The following ROBO1 variants were observed in gnomAD, a reference collection of about 807,000 sequenced individuals.
ROBO1 encodes the protein roundabout homolog 1.
A neutral mutation model predicts 195.9 loss-of-function variants in ROBO1; 149 were observed. The observed-to-expected ratio is 0.76, with a 90% CI of 0.67 to 0.87. The LOEUF (loss-of-function observed/expected upper bound fraction) is 0.87, where lower values mean the gene tolerates loss of function less well. Ranked by LOEUF, ROBO1 falls within the 40% of genes least tolerant of loss-of-function variation. The pLI is 0.00. For synonymous variants in ROBO1, 816 were observed against 733.2 expected (o/e 1.11, Z -1.82); for missense variants, 1,933 against 2,068.3 (o/e 0.93, Z 1.27).
rs186589669 is a variant in ROBO1 at position 79,128,143 on chromosome 3, T to C, written c.89-2604A>G. On this transcript the variant is annotated intron_variant, in intron 2 of 30. Coordinates refer to ENST00000464233, the MANE Select transcript of ROBO1 (RefSeq NM_002941.4). ...TAAATAGCATTGATTATGCGAGCTATGGACTAGAAGATAGCAAGGAAGAGA... is the reference window on the plus strand; with the variant it reads ...TAAATAGCATTGATTATGCGAGCTACGGACTAGAAGATAGCAAGGAAGAGA... 5.9e-5 allele frequency among the ~76,000 whole-genome samples: 9 copies of C among 152,290 alleles called. No homozygotes were observed. The East Asian group carries it at 1.2e-3, about 20-fold the overall frequency.
intron 2 of ROBO1, among the ~76,000 whole-genome samples, chr3:79,424,923 G>GCTC (rs2038385027): frequency 6.6e-6 from 1 of 152,134 alleles, no homozygotes; most frequent in African/African-American, 2.4e-5. Flanking sequence ...GTAGGAGAAT[G>GCTC]AAGTCATGCT....
chr3:78,855,192 C>T (rs968580139), intron 4 of ROBO1, among the ~76,000 whole-genome samples: 4 of 151,976 alleles, frequency 2.6e-5, no homozygotes, highest in Non-Finnish European at 5.9e-5. Flanking sequence ...TGATCACTTA[C>T]GCTGATTTCA....
At chr3:79,255,640 A>G (rs1367946967) in intron 2 of ROBO1, among the ~76,000 whole-genome samples, 1 of 152,202 alleles carries the variant, frequency 6.6e-6, no homozygotes, top group Admixed American at 6.5e-5. Flanking sequence ...AAAACACACT[A>G]CCGTTCTGGA....
chr3:79,624,506 T>A, intron 1 of ROBO1, among the ~76,000 whole-genome samples: 1 of 150,392 alleles, frequency 6.6e-6, no homozygotes, highest in African/African-American at 2.4e-5. Context: ...TAGAGAAAAA[T>A]TTACTAAGCA....
In ROBO1 at chr3:79,321,735, T is replaced by G. The variant is rs190146592; in HGVS notation, c.89-196196A>C. The stretch of plus-strand genomic sequence containing the variant: ...TCTACAAGTAGGACTGATTCCTTTT[T>G]CACAGGCAGATCAAAACAGAGAAAG... On this transcript the variant is annotated intron_variant, in intron 2 of 30. Coordinates refer to ENST00000464233, the MANE Select transcript of ROBO1 (RefSeq NM_002941.4). Among the ~76,000 whole-genome samples the G allele has an allele frequency of 4.7e-3, 713 of 152,306 alleles. 11 individuals carry two copies. The highest frequency in any genetic ancestry group is 0.016 in the African/African-American group (677 of 41,566).
At chr3:79,549,229 A>G (rs1017912853) in intron 2 of ROBO1, among the ~76,000 whole-genome samples, 4 of 152,234 alleles carry the variant, frequency 2.6e-5, no homozygotes, top group Non-Finnish European at 5.9e-5. Context: ...CAGATAGAAA[A>G]ACAATGGGAA....
intron 3 of ROBO1, among the ~76,000 whole-genome samples, chr3:79,083,861 A>C (rs2079319062): frequency 6.6e-6 from 1 of 152,192 alleles, no homozygotes; most frequent in Non-Finnish European, 1.5e-5. Context: ...ATTTTCATGA[A>C]GGGAATTTCA....
At chr3:79,754,986 T>C (rs1003432950) in intron 1 of ROBO1, among the ~76,000 whole-genome samples, 7 of 152,164 alleles carry the variant, frequency 4.6e-5, no homozygotes, top group Non-Finnish European at 1.5e-5. Context: ...GTTCAATCTA[T>C]TCTCCTGCCT....
chr3:79,424,238 C>T (rs2106958619), intron 2 of ROBO1, among the ~76,000 whole-genome samples: 1 of 152,192 alleles, frequency 6.6e-6, no homozygotes, highest in Non-Finnish European at 1.5e-5. Context: ...CTGAGGCACT[C>T]AGCTCTGATC....
At position 79,623,177 on chromosome 3, in the gene ROBO1, T is replaced by C. The variant is rs114115174; in HGVS notation, c.-50-33216A>G. ...AACAACAACAACAAAACCTTCACAA[T>C]AACTCCATCCAAGTGTCAGCAGCCT... On this transcript the variant is annotated intron_variant, in intron 1 of 30. Transcript: ENST00000464233. Among the ~76,000 whole-genome samples, 822 of 152,026 alleles carry C rather than the reference T, an allele frequency of 5.4e-3. 10 individuals carry two copies. The highest frequency in any genetic ancestry group is 0.018 in the African/African-American group (759 of 41,446).
chr3:79,171,999 T>C (rs1304118908), intron 2 of ROBO1, among the ~76,000 whole-genome samples: 5 of 151,992 alleles, frequency 3.3e-5, no homozygotes, highest in South Asian at 2.1e-4. Context: ...CACTACAATA[T>C]ATAAATTTAA....
intron 3 of ROBO1, among the ~76,000 whole-genome samples, chr3:79,044,811 A>C (rs2108345197): frequency 6.6e-6 from 1 of 152,266 alleles, no homozygotes; most frequent in African/African-American, 2.4e-5. Context: ...ATTAATGGAT[A>C]CATAAGAGTT....
chr3:79,551,159 G>GC (rs1559985355), intron 2 of ROBO1, among the ~76,000 whole-genome samples: 9 of 149,638 alleles, frequency 6.0e-5, no homozygotes. Flanking sequence ...GTGATACACT[G>GC]TTTTTTTTTC....
At chr3:79,626,285 A>C (rs766377768) in intron 1 of ROBO1, among the ~76,000 whole-genome samples, 83 of 152,182 alleles carry the variant, frequency 5.5e-4, no homozygotes, top group Non-Finnish European at 9.0e-4. Context: ...TCTGTCCTAA[A>C]AATACAAAAG....
intron 2 of ROBO1, among the ~76,000 whole-genome samples, chr3:79,442,510 G>T (rs187733421): frequency 4.6e-4 from 70 of 152,172 alleles, no homozygotes; most frequent in African/African-American, 1.5e-3. Flanking sequence ...ACTTATGGAA[G>T]GCATTCTGGT....
chr3:78,611,870 T>C (rs1365659743), intron 28 of ROBO1, among the ~76,000 whole-genome samples: 1 of 152,164 alleles, frequency 6.6e-6, no homozygotes, highest in Non-Finnish European at 1.5e-5. Flanking sequence ...AGGGAGAAGA[T>C]GGCCGTCTCC....
chr3:79,271,474 A>C lies in ROBO1; in HGVS notation c.89-145935T>G, dbSNP rs1172409759. Among the ~76,000 whole-genome samples the C allele has an allele frequency of 2.0e-5, 3 of 152,082 alleles. No homozygotes were observed. The East Asian group carries it at 5.8e-4, about 29-fold the overall frequency. On this transcript the variant is annotated intron_variant, in intron 2 of 30. Coordinates refer to ENST00000464233, the MANE Select transcript of ROBO1 (RefSeq NM_002941.4). ...TTTACATACATTTTTATACTGGAAA[A>C]TATTAGACTATTCATTAAAAAAGCT...
At chr3:79,042,800 A>G (rs1188965256) in intron 3 of ROBO1, among the ~76,000 whole-genome samples, 3 of 152,206 alleles carry the variant, frequency 2.0e-5, no homozygotes, top group Non-Finnish European at 4.4e-5. Flanking sequence ...CATATTTTAC[A>G]TGCACCAGGA....
intron 2 of ROBO1, among the ~76,000 whole-genome samples, chr3:79,422,736 T>C (rs1418571790): frequency 6.6e-6 from 1 of 152,160 alleles, no homozygotes; most frequent in Non-Finnish European, 1.5e-5. Context: ...ACCTAAGTTC[T>C]CAAACTGTTA....
Sources: allele counts gnomAD v4.1 joint callset (sites outside exome capture counted in the v4.1 genomes callset), GRCh38; gene constraint gnomAD v4.1.1; transcripts MANE v1.5; gene names NCBI Gene and HGNC (gene_info 2026-07-23, HGNC 2026-07-21).